NEB: variants seen among roughly 807,000 people sequenced by gnomAD.
The protein encoded by NEB is nebulin.
NEB carries 512 observed loss-of-function variants against 952.2 expected under a neutral mutation model. The observed-to-expected ratio is 0.54, with a 90% confidence interval of 0.50 to 0.58. NEB has a LOEUF of 0.58. Ranked by LOEUF, NEB falls within the 20% of genes least tolerant of loss-of-function variation. The pLI is 0.00. For synonymous variants in NEB, 2,900 were observed against 3,149.8 expected, an observed-to-expected ratio of 0.92 and a Z score of 2.66; for missense variants, 8,428 against 9,231.1, an observed-to-expected ratio of 0.91 and a Z score of 3.56.
At chr2:151,676,125 G>A (rs745936008) in intron 34 of NEB, among the ~76,000 whole-genome samples, 27 of 152,070 alleles carry the variant, frequency 1.8e-4, no homozygotes, top group Admixed American at 1.0e-3. Flanking sequence ...TGACTATATG[G>A]AATATGACAT....
At chr2:151,562,567 C>A in intron 120 of NEB, 44 bp downstream of exon 120, 2 of 1,503,052 alleles carry the variant, frequency 1.3e-6, no homozygotes, top group South Asian at 2.7e-5. Context: ...AAGACACAGT[C>A]ATGGAAGCTG....
intron 71 of NEB, among the ~76,000 whole-genome samples, chr2:151,624,607 C>T (rs2098483019): frequency 1.3e-5 from 2 of 152,016 alleles, no homozygotes; most frequent in African/African-American, 4.8e-5. Context: ...TTTTTTAAGG[C>T]TACATTATTA....
chr2:151,610,514 AC>A lies in NEB; in HGVS notation c.12018+1del, dbSNP rs781478512. 6.2e-7 allele frequency: 1 copy of A among 1,600,464 alleles called. No individual in the cohort carries two copies. The highest frequency in any genetic ancestry group is 2.2e-5 in the East Asian group (1 of 44,776). ...ACAGAGAGTTAGATGGAAGGTACTC[AC>A]GTCACTGGCGATGTCCCTGGAGGCC... On this transcript the variant is annotated splice_donor_variant, in intron 80 of 181. Coordinates refer to ENST00000397345, the MANE Select transcript of NEB (RefSeq NM_001164508.2). LOFTEE classifies it high-confidence loss of function.
In NEB at chr2:151,656,263, G is replaced by A. The variant is rs80344795; in HGVS notation, c.6385C>T (p.Gln2129Ter). 6.2e-7 allele frequency: 1 copy of A among 1,613,546 alleles called. No individual in the cohort carries two copies. The highest frequency in any genetic ancestry group is 1.7e-4 in the Middle Eastern group (1 of 6,056). ...TAGTTAGTGTTGGTGATGTTGGCTT[G>A]GGCATCCTTTGCAGCCGTGACACTG... Reference protein sequence around the residue: ...MLSVTAAKDAQANITNTNYKH... With the variant: ...MLSVTAAKDA The change falls in exon 49 of 182, where the codon CAA (glutamine) becomes TAA (stop). Residue 2129 changes from glutamine (Q) to a stop codon, truncating the protein, a stop_gained. Transcript: ENST00000397345. LOFTEE classifies it high-confidence loss of function.
chr2:151,656,332 A>C lies in NEB; in HGVS notation c.6316T>G (p.Tyr2106Asp). The C allele has an allele frequency of 6.2e-7, 1 of 1,613,570 alleles. No homozygotes were observed. Among genetic ancestry groups the C allele is most frequent in the African/African-American group, 1.3e-5 (1 of 74,952 alleles). ...MQSDREYKKNYENTKTSYHTP... is the reference protein window; with the variant it reads ...MQSDREYKKNDENTKTSYHTP... ...TGGTAGCTGGTCTTTGTGTTCTCATAGTTTTTCTTGTACTCCCGATCAGAT... is the reference window on the plus strand; with the variant it reads ...TGGTAGCTGGTCTTTGTGTTCTCATCGTTTTTCTTGTACTCCCGATCAGAT... Residue 2106 changes from tyrosine to aspartate, a missense_variant, in exon 49 of 182, where the codon TAT becomes GAT. Physicochemically the swap from Tyr to Asp is radical, Grantham distance 160. Around this residue, in one of 11 missense-constraint regions of NEB, gnomAD observed 2,851 missense variants for 2,791.5 expected, o/e 1.02. Coordinates refer to ENST00000397345, the MANE Select transcript of NEB (RefSeq NM_001164508.2).
rs561116004 is a variant in NEB at position 151,554,394 on chromosome 2, G to A, written c.19429-369C>T. Among the ~76,000 whole-genome samples the A allele has an allele frequency of 5.3e-5, 8 of 151,902 alleles. No homozygotes were observed. In the South Asian group the frequency reaches 1.2e-3, roughly 24 times the overall value. On this transcript the variant is annotated intron_variant, in intron 125 of 181. Coordinates refer to ENST00000397345, the MANE Select transcript of NEB (RefSeq NM_001164508.2). ...TGGGCAACATAACGAGATTCCAATCGCTACAAAAAAAAACCTTAGCTGGGT... is the reference window on the plus strand; with the variant it reads ...TGGGCAACATAACGAGATTCCAATCACTACAAAAAAAAACCTTAGCTGGGT...
chr2:151,535,606 G>T, intron 142 of NEB, 85 bp downstream of exon 142: 1 of 759,290 alleles, frequency 1.3e-6, no homozygotes, highest in Non-Finnish European at 2.1e-6. Context: ...CTGTCATTCT[G>T]TGTATTGGGC....
chr2:151,491,317 C>G (rs1232166145), intron 179 of NEB: 5 of 176,488 alleles, frequency 2.8e-5, no homozygotes, highest in Non-Finnish European at 4.9e-5. Flanking sequence ...GAATAAACTT[C>G]CTTGATGCAA....
chr2:151,675,436 T>A, intron 34 of NEB, 45 bp from the exon 35 acceptor site: 2 of 1,307,358 alleles, frequency 1.5e-6, no homozygotes, highest in Non-Finnish European at 2.1e-6. Context: ...GAAAATCTAT[T>A]AATTGTTTGC....
At chr2:151,549,592 C>A in intron 130 of NEB, 44 bp downstream of exon 130, 1 of 1,289,854 alleles carries the variant, frequency 7.8e-7, no homozygotes, top group Non-Finnish European at 1.1e-6. Context: ...AGTCTCCTGC[C>A]ACCCCACCTT....
At position 151,576,234 on chromosome 2, in the gene NEB, G is replaced by A; in HGVS notation, c.16825C>T (p.Pro5609Ser). 6.2e-7 allele frequency: 1 copy of A among 1,611,322 alleles called. No individual in the cohort carries two copies. Among genetic ancestry groups the A allele is most frequent in the Non-Finnish European group, 8.5e-7 (1 of 1,178,192 alleles). Residue 5609 changes from proline to serine, a missense_variant, in exon 106 of 182, where the codon CCT becomes TCT. By Grantham distance (74) the Pro-to-Ser change is moderately conservative. This residue lies in a region of NEB where 3,374 missense variants were observed against 3,651.5 expected (regional missense o/e 0.92). Transcript: ENST00000397345. ...CTTGTGTACTTAAGGTTCACCACAG[G>A]CGTCCGATAGACACTGTCACAAAAG... is the stretch of plus-strand genomic sequence containing the variant. ...NIFCDSVYRT[P>S]VVNLKYTSIV...
intron 24 of NEB, chr2:151,690,492 C>G (rs2099539879): frequency 2.4e-6 from 1 of 414,302 alleles, no homozygotes; most frequent in Non-Finnish European, 4.5e-6. Flanking sequence ...TAAGATAGTC[C>G]TACTAAAAAT....
In NEB at chr2:151,562,112, G is replaced by T. The variant is rs2153708709; in HGVS notation, c.18994C>A (p.Gln6332Lys). 6.2e-7 allele frequency: 1 copy of T among 1,612,812 alleles called. No individual in the cohort carries two copies. Among genetic ancestry groups the T allele is most frequent in the East Asian group, 2.2e-5 (1 of 44,878 alleles). Residue 6332 changes from glutamine to lysine, a missense_variant and splice_region_variant, in exon 121 of 182, where the codon CAG becomes AAG. Gln to Lys is a moderately conservative substitution (Grantham distance 53, BLOSUM62 1). This residue lies in a region of NEB where 3,374 missense variants were observed against 3,651.5 expected (regional missense o/e 0.92). Coordinates refer to ENST00000397345, the MANE Select transcript of NEB (RefSeq NM_001164508.2). ...GTCCTTCTAGGAAGGTGGCTCACCT[G>T]ACTCTGAAGGTCGTATGATTTCTTG... Reference protein sequence around the residue: ...HAKKSYDLQSQLQYTAAGKEN... With the variant: ...HAKKSYDLQSKLQYTAAGKEN...
At position 151,670,404 on chromosome 2, in the gene NEB, T is replaced by TA. The variant is rs748547529; in HGVS notation, c.4506+618_4506+619insT. On this transcript the variant is annotated intron_variant, in intron 38 of 181. Transcript: ENST00000397345. ...GAGGCCCTGAGCATTGTAATTCGCTTCTGACAGAAAGAATAAGAGTCCATA... is the reference window on the plus strand; with the variant it reads ...GAGGCCCTGAGCATTGTAATTCGCTTACTGACAGAAAGAATAAGAGTCCATA... 1.2e-3 allele frequency among the ~76,000 whole-genome samples: 172 copies of TA among 146,368 alleles called. 1 individual carries two copies. The highest frequency in any genetic ancestry group is 1.7e-3 in the Non-Finnish European group (117 of 67,882).
intron 38 of NEB, among the ~76,000 whole-genome samples, chr2:151,670,508 A>C (rs1367994195): frequency 6.6e-6 from 1 of 152,140 alleles, no homozygotes; most frequent in Non-Finnish European, 1.5e-5. Context: ...ACGGTGTAAG[A>C]GTCCATACAG....
At chr2:151,497,585 A>G (rs1191188916) in intron 171 of NEB, 41 bp downstream of exon 171, 47 of 1,539,880 alleles carry the variant, frequency 3.1e-5, no homozygotes, top group Non-Finnish European at 3.4e-5. Context: ...AGTTTTCAAA[A>G]TCATTAAATA....
chr2:151,525,095 G>C (rs1254466218), intron 151 of NEB, 68 bp downstream of exon 151: 3 of 1,093,306 alleles, frequency 2.7e-6, no homozygotes, highest in East Asian at 4.7e-5. Context: ...ACTGGAACAA[G>C]AGAATGCACC....
At position 151,673,721 on chromosome 2, in the gene NEB, T is replaced by G. The variant is rs1042230896; in HGVS notation, c.3987+756A>C. On this transcript the variant is annotated intron_variant, in intron 36 of 181. Transcript: ENST00000397345. ...GCAGGGCATGCATGCTTTCTAAAAA[T>G]TTTTCTTTTTCTTTTTTTTTTTTTT... is the stretch of plus-strand genomic sequence containing the variant. 4.4e-5 allele frequency among the ~76,000 whole-genome samples: 6 copies of G among 135,716 alleles called. No individual in the cohort carries two copies. In the South Asian group the frequency reaches 1.4e-3, roughly 31 times the overall value. 89.0% of individuals were successfully genotyped at this position (135,716 alleles called of 152,430 possible).
chr2:151,554,126 G>T (rs1263747659), intron 125 of NEB, 101 bp from the exon 126 acceptor site: 5 of 1,074,776 alleles, frequency 4.7e-6, no homozygotes, highest in Non-Finnish European at 7.1e-6. Context: ...CGAACAGTTG[G>T]GGGCAGGGCA....
Sources: allele counts gnomAD v4.1 joint callset (sites outside exome capture counted in the v4.1 genomes callset), GRCh38; gene constraint gnomAD v4.1.1; regional missense constraint gnomAD v4.1.1; transcripts MANE v1.5; gene names NCBI Gene and HGNC (gene_info 2026-07-23, HGNC 2026-07-21).